PRKG1: variants seen among roughly 807,000 people sequenced by gnomAD.
PRKG1 encodes protein kinase cGMP-dependent 1.
Under a neutral mutation model 88.1 loss-of-function variants are expected in PRKG1, and 35 were observed. The observed-to-expected ratio is 0.40, with a 90% confidence interval of 0.30 to 0.53. PRKG1 has a LOEUF of 0.53. PRKG1 is among the 20% of genes least tolerant of loss of function. The pLI, the probability that PRKG1 is intolerant of heterozygous loss-of-function variation, is 0.59. For synonymous variants in PRKG1, 303 were observed against 292.5 expected (o/e 1.04, Z -0.37); for missense variants, 540 against 839.8 (o/e 0.64, Z 4.41).
At chr10:52,289,259 G>A (rs1268836326) in intron 16 of PRKG1, among the ~76,000 whole-genome samples, 2 of 151,914 alleles carry the variant, frequency 1.3e-5, no homozygotes, top group African/African-American at 4.8e-5. Flanking sequence ...GGCACAAAGG[G>A]GAAATGTGTA....
chr10:51,219,240 G>A (rs1469058055), intron 2 of PRKG1, among the ~76,000 whole-genome samples: 1 of 152,004 alleles, frequency 6.6e-6, no homozygotes, highest in African/African-American at 2.4e-5. Flanking sequence ...TGACCTTAAA[G>A]GTACATATAT....
intron 1 of PRKG1, among the ~76,000 whole-genome samples, chr10:51,089,468 CT>C (rs1166826075): frequency 6.6e-6 from 1 of 152,092 alleles, no homozygotes; most frequent in Non-Finnish European, 1.5e-5. Context: ...TAAGGAAATA[CT>C]TTTTAACTAG....
chr10:52,191,271 T>C (rs908464935), intron 9 of PRKG1, among the ~76,000 whole-genome samples: 13 of 151,854 alleles, frequency 8.6e-5, no homozygotes, highest in Non-Finnish European at 1.9e-4. Context: ...TTCTCCCACC[T>C]GCCGAGTAGC....
intron 2 of PRKG1, among the ~76,000 whole-genome samples, chr10:51,270,865 G>A (rs1174006030): frequency 6.6e-6 from 1 of 152,118 alleles, no homozygotes; most frequent in African/African-American, 2.4e-5. Context: ...GAAGTTACAA[G>A]CAGCAGAAAA....
chr10:51,166,161 G>A (rs943104755), intron 2 of PRKG1, among the ~76,000 whole-genome samples: 4 of 150,222 alleles, frequency 2.7e-5, no homozygotes, highest in African/African-American at 7.4e-5. Flanking sequence ...AGATTTATGC[G>A]ATCCTTGATG....
intron 3 of PRKG1, among the ~76,000 whole-genome samples, chr10:51,479,183 T>G: frequency 6.6e-6 from 1 of 152,038 alleles, no homozygotes; most frequent in South Asian, 2.1e-4. Flanking sequence ...GCAGAATATT[T>G]TTCTGTATAG....
intron 3 of PRKG1, among the ~76,000 whole-genome samples, chr10:51,601,356 A>G (rs1015702447): frequency 1.3e-5 from 2 of 152,212 alleles, no homozygotes; most frequent in African/African-American, 4.8e-5. Flanking sequence ...AGAAAGGCGA[A>G]GGGAGGAGTG....
At chr10:51,570,194 C>A (rs114311703) in intron 3 of PRKG1, among the ~76,000 whole-genome samples, 10,319 of 150,996 alleles carry the variant, frequency 0.068, 1,174 homozygotes, top group African/African-American at 0.24. Flanking sequence ...TCTGTCCCCC[C>A]GCACAGCCCG....
chr10:52,041,678 A>G (rs1453967347), intron 5 of PRKG1, among the ~76,000 whole-genome samples: 2 of 152,140 alleles, frequency 1.3e-5, no homozygotes, highest in African/African-American at 4.8e-5. Context: ...TATATTTGCT[A>G]TTTTTTAATG....
At chr10:52,090,994 A>C (rs997500579) in intron 7 of PRKG1, among the ~76,000 whole-genome samples, 1 of 152,104 alleles carries the variant, frequency 6.6e-6, no homozygotes, top group Non-Finnish European at 1.5e-5. Context: ...ACACATTACC[A>C]TGAGTTTCGA....
chr10:52,016,364 A>T (rs2133181673), intron 5 of PRKG1, among the ~76,000 whole-genome samples: 1 of 152,264 alleles, frequency 6.6e-6, no homozygotes, highest in South Asian at 2.1e-4. Context: ...AAACCATCGG[A>T]TCTTGTTAGA....
chr10:51,945,867 TTC>T (rs1255100778), intron 5 of PRKG1, among the ~76,000 whole-genome samples: 1 of 151,654 alleles, frequency 6.6e-6, no homozygotes, highest in East Asian at 1.9e-4. Context: ...AACCCGACCT[TTC>T]TCTCTGGCTG....
chr10:52,146,648 A>T (rs948573345), intron 8 of PRKG1, among the ~76,000 whole-genome samples: 1 of 152,202 alleles, frequency 6.6e-6, no homozygotes, highest in African/African-American at 2.4e-5. Context: ...TTAGCAATTT[A>T]CCATGTTAAT....
intron 5 of PRKG1, among the ~76,000 whole-genome samples, chr10:51,973,675 T>A (rs1843761961): frequency 6.6e-6 from 1 of 152,200 alleles, no homozygotes; most frequent in Non-Finnish European, 1.5e-5. Context: ...TTCTTATACA[T>A]CTGTTTTTAT....
intron 5 of PRKG1, among the ~76,000 whole-genome samples, chr10:51,966,377 T>C (rs879400653): frequency 2.0e-5 from 3 of 152,194 alleles, no homozygotes; most frequent in Non-Finnish European, 4.4e-5. Context: ...TTCTTACATA[T>C]GAATTCAACA....
intron 2 of PRKG1, among the ~76,000 whole-genome samples, chr10:51,464,073 C>G (rs1046286640): frequency 3.3e-5 from 5 of 151,808 alleles, no homozygotes; most frequent in Admixed American, 6.6e-5. Context: ...AGATCGAGAC[C>G]GTCTTGGCCA....
intron 3 of PRKG1, among the ~76,000 whole-genome samples, chr10:51,485,410 A>G (rs141662487): frequency 1.1e-3 from 160 of 152,290 alleles, no homozygotes; most frequent in African/African-American, 3.7e-3. Context: ...GGTTAGACAG[A>G]ACTCATTTGC....
At chr10:51,401,997 C>T (rs562309992) in intron 2 of PRKG1, among the ~76,000 whole-genome samples, 133 of 152,258 alleles carry the variant, frequency 8.7e-4, no homozygotes, top group Admixed American at 1.4e-3. Context: ...ACACTGATTC[C>T]ACCATGCCTT....
rs190651343 is a variant in PRKG1 at position 51,895,516 on chromosome 10, G to A, written c.699-11991G>A. Among the ~76,000 whole-genome samples the A allele has an allele frequency of 1.6e-3, 237 of 152,280 alleles. 9 individuals carry two copies. In the East Asian group the frequency reaches 0.031, roughly 20 times the overall value. ...GTCTGAGCATTGGCCAAAAGGCCAC[G>A]GTTTCTGTGTGTTTGGAGTGGACTG... On this transcript the variant is annotated intron_variant, in intron 4 of 17. Coordinates refer to ENST00000373980, the MANE Select transcript of PRKG1 (RefSeq NM_006258.4).
Sources: allele counts gnomAD v4.1 joint callset (sites outside exome capture counted in the v4.1 genomes callset), GRCh38; gene constraint gnomAD v4.1.1; transcripts MANE v1.5; gene names NCBI Gene and HGNC (gene_info 2026-07-23, HGNC 2026-07-21).